Variants in MAGI2 observed in about 807,000 individuals in gnomAD.
The protein encoded by MAGI2 is membrane associated guanylate kinase, WW and PDZ domain containing 2, also known as membrane-associated guanylate kinase, WW and PDZ domain-containing protein 2.
In MAGI2, 35 loss-of-function variants were observed where a neutral mutation model predicts 133.3. That is an observed-to-expected ratio of 0.26 (90% CI 0.20 to 0.35). The LOEUF is 0.35. MAGI2 is among the 10% of genes least tolerant of loss of function. The pLI is 1.00. For synonymous variants in MAGI2, 729 were observed against 710.6 expected (o/e 1.03, Z -0.41); for missense variants, 1,636 against 1,863.4 (o/e 0.88, Z 2.25).
chr7:78,448,147 TTTTA>T (rs1370860353), intron 6 of MAGI2, among the ~76,000 whole-genome samples: 2 of 152,084 alleles, frequency 1.3e-5, no homozygotes, highest in African/African-American at 4.8e-5. Context: ...ATGTATCATA[TTTTA>T]TTTATCTACT....
chr7:79,284,200 T>A (rs1311087254), intron 1 of MAGI2, among the ~76,000 whole-genome samples: 1 of 152,128 alleles, frequency 6.6e-6, no homozygotes, highest in Non-Finnish European at 1.5e-5. Context: ...CATTTTATGA[T>A]AGGGTCAGCC....
intron 21 of MAGI2, among the ~76,000 whole-genome samples, chr7:78,059,240 G>A (rs1384630700): frequency 1.3e-5 from 2 of 152,152 alleles, no homozygotes; most frequent in African/African-American, 2.4e-5. Context: ...GGTCTAGGGA[G>A]GAGCCTCTGT....
chr7:78,275,105 C>T (rs1053496831), intron 9 of MAGI2, among the ~76,000 whole-genome samples: 2 of 152,182 alleles, frequency 1.3e-5, no homozygotes, highest in Non-Finnish European at 2.9e-5. Flanking sequence ...TCCTGGTCTG[C>T]CGGCTGTGAA....
chr7:79,312,854 T>A (rs1320585048), intron 1 of MAGI2, among the ~76,000 whole-genome samples: 1 of 152,124 alleles, frequency 6.6e-6, no homozygotes, highest in African/African-American at 2.4e-5. Flanking sequence ...GATGGTGCAG[T>A]AACAATAAAG....
At chr7:78,517,332 TC>T (rs1214463782) in intron 4 of MAGI2, among the ~76,000 whole-genome samples, 1 of 152,152 alleles carries the variant, frequency 6.6e-6, no homozygotes, top group Non-Finnish European at 1.5e-5. Context: ...GACTAAATCC[TC>T]TAAGCTGCAG....
intron 6 of MAGI2, among the ~76,000 whole-genome samples, chr7:78,452,270 T>C (rs4319010): frequency 6.6e-6 from 1 of 151,720 alleles, no homozygotes; most frequent in East Asian, 1.9e-4. Context: ...CCAGTTTTAT[T>C]TGACCCCAAA....
chr7:79,186,563 G>C (rs1169718029), intron 1 of MAGI2, among the ~76,000 whole-genome samples: 8 of 149,350 alleles, frequency 5.4e-5, no homozygotes, highest in East Asian at 2.0e-4. Context: ...AAGAAGGACT[G>C]TTTGGGATTG....
At chr7:79,440,803 C>T (rs1848446233) in intron 1 of MAGI2, among the ~76,000 whole-genome samples, 1 of 152,144 alleles carries the variant, frequency 6.6e-6, no homozygotes, top group Admixed American at 6.5e-5. Flanking sequence ...AGAGATAGTG[C>T]TAGTCCTAGC....
intron 1 of MAGI2, among the ~76,000 whole-genome samples, chr7:79,103,866 A>C (rs1584937103): frequency 1.3e-5 from 2 of 151,064 alleles, no homozygotes; most frequent in South Asian, 4.2e-4. Context: ...CACCTGGCTA[A>C]TTTTTTTTAT....
At chr7:78,965,549 T>G (rs1198757283) in intron 2 of MAGI2, among the ~76,000 whole-genome samples, 1 of 151,928 alleles carries the variant, frequency 6.6e-6, no homozygotes. Context: ...GCCTAGAGAT[T>G]TTTTTTTCAT....
At position 78,322,524 on chromosome 7, in the gene MAGI2, A is replaced by G. The variant is rs139849994; in HGVS notation, c.1408+21254T>C. Among the ~76,000 whole-genome samples, 914 of 152,220 alleles carry G rather than the reference A, an allele frequency of 6.0e-3. 15 individuals carry two copies. The highest frequency in any genetic ancestry group is 0.021 in the African/African-American group (861 of 41,532). ...CTAACACAAAAACAGAAAACCAAAC[A>G]CCATGTGTTCTTACTTATAAGTGGG... is the stretch of plus-strand genomic sequence containing the variant. On this transcript the variant is annotated intron_variant, in intron 9 of 21. Transcript: ENST00000354212.
intron 1 of MAGI2, among the ~76,000 whole-genome samples, chr7:79,142,112 C>T (rs936569823): frequency 8.5e-5 from 13 of 152,146 alleles, no homozygotes; most frequent in Admixed American, 2.0e-4. Context: ...TACATGTTTC[C>T]GGGTCTTACA....
chr7:78,521,412 A>G lies in MAGI2; in HGVS notation c.754+18T>C, dbSNP rs773988771. 58 of 1,602,316 alleles carry G rather than the reference A, an allele frequency of 3.6e-5. 1 individual carries two copies. The South Asian group carries it at 5.8e-4, about 16-fold the overall frequency. On this transcript the variant is annotated intron_variant, in intron 4 of 21. Transcript: ENST00000354212. ...AAACAGTAAATTTATGAAGCCATAAAAAATGTAAATGACTAACCTGGTGTT... is the reference window on the plus strand; with the variant it reads ...AAACAGTAAATTTATGAAGCCATAAGAAATGTAAATGACTAACCTGGTGTT...
At chr7:78,820,941 T>C (rs1054578416) in intron 2 of MAGI2, among the ~76,000 whole-genome samples, 59 of 152,146 alleles carry the variant, frequency 3.9e-4, no homozygotes, top group Admixed American at 2.8e-3. Context: ...AAATTTTTAA[T>C]TGGGATACAA....
intron 9 of MAGI2, among the ~76,000 whole-genome samples, chr7:78,256,983 G>A (rs1793051834): frequency 6.6e-6 from 1 of 152,024 alleles, no homozygotes; most frequent in Non-Finnish European, 1.5e-5. Context: ...AGTTTTAGAC[G>A]AAAAACAAAG....
chr7:79,073,666 A>G (rs990758317), intron 1 of MAGI2, among the ~76,000 whole-genome samples: 31 of 152,010 alleles, frequency 2.0e-4, no homozygotes, highest in Non-Finnish European at 3.7e-4. Context: ...AAACAGAATT[A>G]TGATACTTCC....
At chr7:78,592,984 C>T (rs1804192291) in intron 3 of MAGI2, among the ~76,000 whole-genome samples, 1 of 151,606 alleles carries the variant, frequency 6.6e-6, no homozygotes, top group Non-Finnish European at 1.5e-5. Flanking sequence ...CAGGTACTTG[C>T]CACCACACCA....
chr7:78,188,073 G>T (rs1827861539), intron 12 of MAGI2, among the ~76,000 whole-genome samples: 1 of 151,974 alleles, frequency 6.6e-6, no homozygotes, highest in South Asian at 2.1e-4. Flanking sequence ...TCTAGGATTG[G>T]ATCTAATTTC....
At chr7:78,875,565 C>G (rs941449431) in intron 2 of MAGI2, among the ~76,000 whole-genome samples, 4 of 152,078 alleles carry the variant, frequency 2.6e-5, no homozygotes, top group African/African-American at 9.7e-5. Flanking sequence ...TGGCTTTAAG[C>G]AAATTAATTA....
Sources: allele counts gnomAD v4.1 joint callset (sites outside exome capture counted in the v4.1 genomes callset), GRCh38; gene constraint gnomAD v4.1.1; transcripts MANE v1.5; gene names NCBI Gene and HGNC (gene_info 2026-07-23, HGNC 2026-07-21).